Variants in CHFR observed in about 807,000 individuals in gnomAD.
CHFR encodes the protein checkpoint with forkhead and ring finger domains.
In CHFR, 57 loss-of-function variants were observed where a neutral mutation model predicts 87.6. The observed-to-expected ratio is 0.65, with a 90% confidence interval of 0.53 to 0.81. The LOEUF is 0.81. Among genes scored for constraint, CHFR ranks in the 30% least tolerant of loss-of-function variants. The pLI is 0.00. For synonymous variants in CHFR, 381 were observed against 359.2 expected (o/e 1.06, Z -0.69); for missense variants, 797 against 865.8 (o/e 0.92, Z 1.00).
At chr12:132,853,756 C>T in intron 10 of CHFR, 183 bp from the exon 11 acceptor site, 2 of 662,260 alleles carry the variant, frequency 3.0e-6, no homozygotes, top group Non-Finnish European at 4.7e-6. Context: ...CAGAACGAGT[C>T]GAAGGGCAAG....
At chr12:132,877,200 C>T (rs1951649251) in intron 3 of CHFR, among the ~76,000 whole-genome samples, 1 of 152,150 alleles carries the variant, frequency 6.6e-6, no homozygotes, top group East Asian at 1.9e-4. Context: ...AATACTCTTA[C>T]CATTGTGTTA....
chr12:132,868,542 T>G, intron 6 of CHFR, among the ~76,000 whole-genome samples: 1 of 150,604 alleles, frequency 6.6e-6, no homozygotes, highest in South Asian at 2.1e-4. Context: ...TAGCTGGGCG[T>G]GGTTGCAGGC....
At chr12:132,853,724 C>A (rs1475852348) in intron 10 of CHFR, 151 bp from the exon 11 acceptor site, 14 of 882,566 alleles carry the variant, frequency 1.6e-5, no homozygotes, top group Non-Finnish European at 2.3e-5. Context: ...TCCTGTCCAG[C>A]ACCCCAGTGT....
At chr12:132,863,140 C>G (rs1951254271) in intron 6 of CHFR, among the ~76,000 whole-genome samples, 1 of 150,278 alleles carries the variant, frequency 6.7e-6, no homozygotes, top group South Asian at 2.1e-4. Context: ...TCGTGATCCA[C>G]CCACCTCGGC....
intron 17 of CHFR, among the ~76,000 whole-genome samples, chr12:132,842,157 T>G (rs1341389183): frequency 2.0e-5 from 3 of 151,140 alleles, no homozygotes; most frequent in African/African-American, 7.3e-5. Flanking sequence ...ATAATTTTTT[T>G]AGAGAAGAGA....
Position 132,864,169 on chromosome 12 carries a change from A to G in CHFR, c.584-2535T>C, listed in dbSNP as rs1488570977. 5.6e-5 allele frequency among the ~76,000 whole-genome samples: 8 copies of G among 143,744 alleles called. No individual in the cohort carries two copies. In the Admixed American group the frequency reaches 5.6e-4, roughly 10 times the overall value. The allele number at this position is 143,744 out of a possible 152,430, so 94.3% of individuals were successfully genotyped here. On this transcript the variant is annotated intron_variant, in intron 6 of 17. Transcript: ENST00000450056. ...CTTACAGTATTCAAATGTAAGTGTT[A>G]TTATTTGAAAAAAAAAAACACAAGA... is the stretch of plus-strand genomic sequence containing the variant.
rs368052446 is a variant in CHFR at position 132,835,008 on chromosome 12, C to A, written c.*6546G>T. 1 of 152,326 alleles carries A rather than the reference C, an allele frequency of 6.6e-6. No homozygotes were observed. Among genetic ancestry groups the A allele is most frequent in the African/African-American group, 2.4e-5 (1 of 41,452 alleles). 9.4% of individuals were successfully genotyped at this position (152,326 alleles called of 1,614,324 possible). On this transcript the variant is annotated 3_prime_UTR_variant, in exon 18 of 18. Coordinates refer to ENST00000450056, the MANE Select transcript of CHFR (RefSeq NM_001161346.2). Reference sequence around the variant, plus strand: ...CTGGGAGTACAGGCGTGAGCCACCACGCCCGGCCTCTTGCTTCCCTCTTAC... The same window carrying A: ...CTGGGAGTACAGGCGTGAGCCACCAAGCCCGGCCTCTTGCTTCCCTCTTAC...
chr12:132,859,609 C>G (rs1951169815), intron 7 of CHFR, among the ~76,000 whole-genome samples: 1 of 152,188 alleles, frequency 6.6e-6, no homozygotes, highest in South Asian at 2.1e-4. Flanking sequence ...CTCGGCCTCC[C>G]AAAGTACTAG....
In CHFR at chr12:132,857,477, A is replaced by G; in HGVS notation, c.994T>C (p.Cys332Arg). Residue 332 changes from cysteine (C) to arginine (R), a missense_variant, in exon 9 of 18, where the codon TGT becomes CGT. Cys to Arg is a radical substitution (Grantham distance 180). Transcript: ENST00000450056. ...ERSSLCPTCR[C>R]PVERICKNHI... ...TTTTTACAGATCCGCTCCACGGGACAGCGGCAGGTAGGACACAGGGACGAG... is the reference window on the plus strand; with the variant it reads ...TTTTTACAGATCCGCTCCACGGGACGGCGGCAGGTAGGACACAGGGACGAG... 1.9e-6 allele frequency: 3 copies of G among 1,614,192 alleles called. No homozygotes were observed. The highest frequency in any genetic ancestry group is 2.5e-6 in the Non-Finnish European group (3 of 1,180,016).
At chr12:132,872,845 C>T (rs555447030) in intron 3 of CHFR, among the ~76,000 whole-genome samples, 5 of 152,288 alleles carry the variant, frequency 3.3e-5, no homozygotes, top group Admixed American at 6.5e-5. Context: ...TGGGCAGAAG[C>T]GGACTAAATG....
intron 3 of CHFR, among the ~76,000 whole-genome samples, chr12:132,875,618 C>T (rs954654819): frequency 4.6e-5 from 7 of 151,964 alleles, no homozygotes; most frequent in Admixed American, 1.3e-4. Flanking sequence ...AGCGAGACTC[C>T]GTCTCAAAAA....
At chr12:132,861,414 CA>C in intron 7 of CHFR, 52 bp downstream of exon 7, 1 of 1,570,132 alleles carries the variant, frequency 6.4e-7, no homozygotes, top group Non-Finnish European at 8.7e-7. Context: ...GCGGCCCCCG[CA>C]TGCCCCAGGA....
intron 2 of CHFR, among the ~76,000 whole-genome samples, chr12:132,881,055 C>A (rs563291101): frequency 6.6e-6 from 1 of 151,898 alleles, no homozygotes; most frequent in Non-Finnish European, 1.5e-5. Flanking sequence ...TCACTTCAGA[C>A]CAGGACTTCG....
In CHFR at chr12:132,836,794, C is replaced by T. The variant is rs764871617; in HGVS notation, c.*4760G>A. On this transcript the variant is annotated 3_prime_UTR_variant, in exon 18 of 18. Transcript: ENST00000450056. ...CGGGAAAGATTTCAAGCCCAGGGGA[C>T]GGCTCATCAGCTCATCAGACCTTCA... 24 of 455,680 alleles carry T rather than the reference C, an allele frequency of 5.3e-5. No homozygotes were observed. The highest frequency in any genetic ancestry group is 9.7e-5 in the Non-Finnish European group (22 of 226,654). The allele number at this position is 455,680 out of a possible 1,614,324, so 28.2% of individuals were successfully genotyped here.
intron 12 of CHFR, chr12:132,849,457 C>G (rs1950894444): frequency 6.6e-6 from 1 of 152,250 alleles, no homozygotes; most frequent in South Asian, 2.1e-4. Context: ...AACTGAACAC[C>G]ACATGCTCAT....
In CHFR at chr12:132,872,286, G is replaced by A. The variant is rs1951508921; in HGVS notation, c.342C>T (p.His114=). ...YLVYRKNEPE[H]NVAYLYESLS... is the part of the protein sequence containing the mutation. ...CCGGCAAGCCTTCCTCTCTCTTACT[G>A]TGTTCCGGTTCATTCTTCCTGTACA... The change falls in exon 4 of 18, where the codon CAC becomes CAT. Residue 114 remains histidine (H), a splice_region_variant and synonymous_variant. Coordinates refer to ENST00000450056, the MANE Select transcript of CHFR (RefSeq NM_001161346.2). 11 of 1,602,786 alleles carry A rather than the reference G, an allele frequency of 6.9e-6. No homozygotes were observed. The East Asian group carries it at 2.0e-4, about 29-fold the overall frequency.
chr12:132,867,088 G>A (rs1951362409), intron 6 of CHFR: 1 of 152,320 alleles, frequency 6.6e-6, no homozygotes, highest in Non-Finnish European at 1.5e-5. Context: ...CTCATCCAAA[G>A]GAGCCTCTGA....
chr12:132,847,916 G>T, intron 14 of CHFR, 169 bp downstream of exon 14: 1 of 1,465,186 alleles, frequency 6.8e-7, no homozygotes, highest in Non-Finnish European at 9.0e-7. Flanking sequence ...AACACCAATG[G>T]CATGCAGAGA....
rs143449794 is a variant in CHFR at position 132,851,476 on chromosome 12, G to A, written c.1492+142C>T. 2.5e-4 allele frequency: 236 copies of A among 951,960 alleles called. 2 individuals carry two copies. The highest frequency in any genetic ancestry group is 1.6e-3 in the African/African-American group (99 of 60,528). The allele number at this position is 951,960 out of a possible 1,614,324, so 59.0% of individuals were successfully genotyped here. A position where few individuals can be genotyped will look rare whatever the true frequency, so the allele number is the denominator to read the frequency against. On this transcript the variant is annotated intron_variant, in intron 12 of 17. Coordinates refer to ENST00000450056, the MANE Select transcript of CHFR (RefSeq NM_001161346.2). ...AAGATAGATTATTCAATATGGTGAC[G>A]TGGGGAAAACTGATCACACTGATGG...
Sources: gnomAD v4.1 joint callset for allele counts (sites outside exome capture counted in the v4.1 genomes callset) on GRCh38, gnomAD v4.1.1 for gene constraint, MANE v1.5 for transcripts, NCBI Gene and HGNC (gene_info 2026-07-23, HGNC 2026-07-21) for gene names.